AP3S1: variants seen among roughly 807,000 people sequenced by gnomAD.
The protein encoded by AP3S1 is AP-3 complex subunit sigma-1.
Under a neutral mutation model 21.3 loss-of-function variants are expected in AP3S1, and 12 were observed. The ratio of observed to expected loss-of-function variants is 0.56; its 90% CI spans 0.36 to 0.91. The LOEUF (loss-of-function observed/expected upper bound fraction) is 0.91, where lower values mean the gene tolerates loss of function less well. Among genes scored for constraint, AP3S1 ranks in the 40% least tolerant of loss-of-function variants. The pLI is 0.01. For synonymous variants in AP3S1, 48 were observed against 78.4 expected (o/e 0.61, Z 2.05); for missense variants, 116 against 225.0 (o/e 0.52, Z 3.10).
At chr5:115,891,623 G>C (rs1750309571) in intron 3 of AP3S1, among the ~76,000 whole-genome samples, 1 of 152,130 alleles carries the variant, frequency 6.6e-6, no homozygotes, top group South Asian at 2.1e-4. Context: ...ACCTCTACTA[G>C]GGCAGTGTGG....
chr5:115,902,181 A>G (rs1343465563), intron 4 of AP3S1, among the ~76,000 whole-genome samples: 2 of 152,224 alleles, frequency 1.3e-5, no homozygotes, highest in East Asian at 1.9e-4. Context: ...AAAAAATTAT[A>G]GCAGAATAGA....
chr5:115,885,460 T>C (rs140150007), intron 3 of AP3S1, among the ~76,000 whole-genome samples: 521 of 152,304 alleles, frequency 3.4e-3, no homozygotes, highest in African/African-American at 0.012. Flanking sequence ...GTCTGATGTT[T>C]CAGGGCAGGA....
intron 2 of AP3S1, 100 bp from the exon 3 acceptor site, chr5:115,869,917 A>G (rs998074963): frequency 1.9e-5 from 13 of 671,144 alleles, no homozygotes; most frequent in African/African-American, 1.9e-4. Context: ...GTCACCTTTC[A>G]TTTGACAAGT....
At chr5:115,905,280 C>T (rs928555988) in intron 5 of AP3S1, among the ~76,000 whole-genome samples, 1 of 152,032 alleles carries the variant, frequency 6.6e-6, no homozygotes, top group Admixed American at 6.5e-5. Flanking sequence ...CAGTAAAATG[C>T]GTAATTTACA....
chr5:115,887,593 AT>A (rs1362964517), intron 3 of AP3S1, among the ~76,000 whole-genome samples: 1 of 152,094 alleles, frequency 6.6e-6, no homozygotes, highest in Non-Finnish European at 1.5e-5. Flanking sequence ...TAGCTAATGT[AT>A]ATTGAGTGTT....
intron 3 of AP3S1, among the ~76,000 whole-genome samples, chr5:115,873,697 G>T (rs7709480): frequency 0.016 from 2,393 of 152,148 alleles, 73 homozygotes; most frequent in African/African-American, 0.055. Flanking sequence ...TTCTGCTTCT[G>T]TTTCATCAAA....
chr5:115,847,308 A>G (rs1440556671), intron 1 of AP3S1, among the ~76,000 whole-genome samples: 3 of 152,182 alleles, frequency 2.0e-5, no homozygotes, highest in Non-Finnish European at 4.4e-5. Flanking sequence ...TTCTTCTTCT[A>G]AACTTTTAAA....
intron 5 of AP3S1, among the ~76,000 whole-genome samples, chr5:115,910,498 G>A (rs905394492): frequency 5.9e-5 from 9 of 151,480 alleles, no homozygotes; most frequent in Admixed American, 2.6e-4. Flanking sequence ...TGCTTTGAAT[G>A]TATCTTACTG....
chr5:115,875,169 A>T (rs1005006417), intron 3 of AP3S1, among the ~76,000 whole-genome samples: 1 of 152,078 alleles, frequency 6.6e-6, no homozygotes, highest in Non-Finnish European at 1.5e-5. Context: ...TGACTTTCTC[A>T]TTGTTAGAAG....
At chr5:115,911,427 A>G (rs1281204486) in intron 5 of AP3S1, among the ~76,000 whole-genome samples, 2 of 152,028 alleles carry the variant, frequency 1.3e-5, no homozygotes, top group African/African-American at 4.8e-5. Context: ...TATTTTGTCA[A>G]TACTTTTCTA....
At chr5:115,857,394 C>T (rs111983956) in intron 1 of AP3S1, among the ~76,000 whole-genome samples, 5,183 of 152,224 alleles carry the variant, frequency 0.034, 311 homozygotes, top group African/African-American at 0.12. Flanking sequence ...TTGCATTCTC[C>T]ATGCTACAAA....
intron 3 of AP3S1, among the ~76,000 whole-genome samples, chr5:115,887,325 C>A (rs1169552633): frequency 6.6e-6 from 1 of 151,402 alleles, no homozygotes; most frequent in African/African-American, 2.4e-5. Flanking sequence ...TATTTTTGCA[C>A]TAAAGACTTT....
chr5:115,855,270 C>T (rs973543490), intron 1 of AP3S1, among the ~76,000 whole-genome samples: 3 of 151,608 alleles, frequency 2.0e-5, no homozygotes, highest in East Asian at 1.9e-4. Context: ...AACTCCTGAC[C>T]TCAAATGATC....
At chr5:115,864,235 CT>C (rs1479079399) in intron 1 of AP3S1, among the ~76,000 whole-genome samples, 1 of 152,160 alleles carries the variant, frequency 6.6e-6, no homozygotes, top group African/African-American at 2.4e-5. Flanking sequence ...ATGAGAACCC[CT>C]TTTCTGGATT....
intron 3 of AP3S1, among the ~76,000 whole-genome samples, chr5:115,890,913 C>T (rs1750243266): frequency 6.6e-6 from 1 of 152,128 alleles, no homozygotes; most frequent in African/African-American, 2.4e-5. Flanking sequence ...GCCCTGGTAA[C>T]AGTGAAAATT....
chr5:115,894,933 T>C (rs1422915927), intron 3 of AP3S1, among the ~76,000 whole-genome samples, 154 bp from the exon 4 acceptor site: 1 of 152,178 alleles, frequency 6.6e-6, no homozygotes, highest in Admixed American at 6.5e-5. Flanking sequence ...ACTCTATTCT[T>C]TTTTTACTTT....
At chr5:115,877,504 A>G (rs937229829) in intron 3 of AP3S1, among the ~76,000 whole-genome samples, 14 of 152,164 alleles carry the variant, frequency 9.2e-5, no homozygotes, top group Non-Finnish European at 2.1e-4. Flanking sequence ...TTCCAGCTTC[A>G]TCCATGTCCC....
Position 115,866,674 on chromosome 5 carries a change from A to G in AP3S1, c.74A>G (p.Glu25Gly). The stretch of plus-strand genomic sequence containing the variant: ...ATATGAATTATTCTTCCTCAGAGTG[A>G]AGATACACAACAGCAAATCATCAGG... ...RLSKFYQPYS[E>G]DTQQQIIRET... The change falls in exon 2 of 6, where the codon GAA becomes GGA. Residue 25 changes from glutamate (E) to glycine (G), a missense_variant. Glu to Gly is a moderately conservative substitution (Grantham distance 98, BLOSUM62 -2). Transcript: ENST00000316788. 6.3e-7 allele frequency: 1 copy of G among 1,592,030 alleles called. No individual in the cohort carries two copies. Among genetic ancestry groups the G allele is most frequent in the Non-Finnish European group, 8.6e-7 (1 of 1,164,324 alleles).
intron 5 of AP3S1, among the ~76,000 whole-genome samples, chr5:115,907,921 A>C (rs919841184): frequency 6.6e-6 from 1 of 152,156 alleles, no homozygotes; most frequent in African/African-American, 2.4e-5. Flanking sequence ...TCAAAATAAA[A>C]GTAATTTATT....
Sources: gnomAD v4.1 joint callset for allele counts (sites outside exome capture counted in the v4.1 genomes callset) on GRCh38, gnomAD v4.1.1 for gene constraint, MANE v1.5 for transcripts, NCBI Gene and HGNC (gene_info 2026-07-23, HGNC 2026-07-21) for gene names.